Variants in PCDHGB3 observed in about 807,000 individuals in gnomAD.
PCDHGB3 encodes protocadherin gamma subfamily B, 3.
A neutral mutation model predicts 59.2 loss-of-function variants in PCDHGB3; 40 were observed. That is an observed-to-expected ratio of 0.68 (90% CI 0.52 to 0.88). The LOEUF (loss-of-function observed/expected upper bound fraction) is 0.88, where lower values mean the gene tolerates loss of function less well. Among genes scored for constraint, PCDHGB3 ranks in the 40% least tolerant of loss-of-function variants. The pLI is 0.00. For missense variants in PCDHGB3, 1,309 were observed against 1,187.9 expected, an observed-to-expected ratio of 1.10 and a Z score of -1.50; for synonymous variants, 581 against 503.6, an observed-to-expected ratio of 1.15 and a Z score of -2.06.
chr5:141,389,205 G>A, intron 1 of PCDHGB3: 1 of 1,614,040 alleles, frequency 6.2e-7, no homozygotes, highest in Non-Finnish European at 8.5e-7. Flanking sequence ...CCTGCACATT[G>A]GTGATGTAAA....
intron 1 of PCDHGB3, among the ~76,000 whole-genome samples, chr5:141,488,305 T>C (rs1452293355): frequency 6.6e-6 from 1 of 152,234 alleles, no homozygotes; most frequent in African/African-American, 2.4e-5. Context: ...AAATCACTTA[T>C]GTCAGAAAAC....
At chr5:141,478,044 C>T in intron 1 of PCDHGB3, 2 of 1,614,184 alleles carry the variant, frequency 1.2e-6, no homozygotes, top group South Asian at 1.1e-5. Flanking sequence ...CCCAGGCAGA[C>T]TCTCACGGTC....
At chr5:141,417,213 G>A (rs1470553702) in intron 1 of PCDHGB3, 2 of 152,108 alleles carry the variant, frequency 1.3e-5, no homozygotes, top group African/African-American at 4.8e-5. Context: ...GGCTAGAATT[G>A]AAGACAAAAA....
At chr5:141,501,290 TACACACACACACACAC>T (rs55762287) in intron 2 of PCDHGB3, among the ~76,000 whole-genome samples, 7 of 136,164 alleles carry the variant, frequency 5.1e-5, no homozygotes, top group South Asian at 2.4e-4. Context: ...TATTCCCTTA[TACACACACACACACAC>T]ACACACACAC....
intron 2 of PCDHGB3, among the ~76,000 whole-genome samples, chr5:141,504,689 G>A (rs1395389800): frequency 6.6e-6 from 1 of 151,502 alleles, no homozygotes; most frequent in South Asian, 2.1e-4. Context: ...TAAAATAGGA[G>A]GGGCAGGTTC....
chr5:141,427,822 T>C (rs1446832816), intron 1 of PCDHGB3: 1 of 1,534,220 alleles, frequency 6.5e-7, no homozygotes, highest in Non-Finnish European at 8.9e-7. Flanking sequence ...GGGGTGGTGG[T>C]CGCGCAGCGT....
chr5:141,419,926 G>A lies in PCDHGB3; in HGVS notation c.2415+47117G>A. 3 of 1,614,096 alleles carry A rather than the reference G, an allele frequency of 1.9e-6. No homozygotes were observed. In the South Asian group the frequency reaches 3.3e-5, roughly 18 times the overall value. On this transcript the variant is annotated intron_variant, in intron 1 of 3. Transcript: ENST00000576222. ...CCTCTGACTCCCAGGCTGAGATGCA[G>A]TTTTACCTGGTGGTGGCCTTGGCCT... is the stretch of plus-strand genomic sequence containing the variant.
intron 1 of PCDHGB3, chr5:141,395,503 G>A (rs1428846111): frequency 2.2e-6 from 1 of 457,378 alleles, no homozygotes; most frequent in Non-Finnish European, 3.8e-6. Flanking sequence ...ATTCACTTAA[G>A]AAGTAGCTAC....
rs1414722237 is a variant in PCDHGB3 at position 141,432,748 on chromosome 5, C to T, written c.2415+59939C>T. On this transcript the variant is annotated intron_variant, in intron 1 of 3. Coordinates refer to ENST00000576222, the MANE Select transcript of PCDHGB3 (RefSeq NM_018924.5). The surrounding 1 kb of genome is among the most constrained non-coding windows in gnomAD (Gnocchi z 6.0). ...CCGCCACTGTCACGCTCACCGTGGC[C>T]GTGGCCGACAGCATCCCCCAAGTCC... 1 of 1,614,120 alleles carries T rather than the reference C, an allele frequency of 6.2e-7. No homozygotes were observed. The highest frequency in any genetic ancestry group is 8.5e-7 in the Non-Finnish European group (1 of 1,179,980).
intron 1 of PCDHGB3, chr5:141,478,809 C>G: frequency 6.9e-7 from 1 of 1,453,454 alleles, no homozygotes; most frequent in Non-Finnish European, 9.0e-7. Flanking sequence ...CTTTTGCTAT[C>G]ACAACTAACC....
chr5:141,427,683 G>T, intron 1 of PCDHGB3: 1 of 836,052 alleles, frequency 1.2e-6, no homozygotes, highest in African/African-American at 1.7e-5. Context: ...CCTTCCCGGA[G>T]CCTCCATCCC....
intron 1 of PCDHGB3, chr5:141,375,805 C>G (rs748127561): frequency 6.2e-7 from 1 of 1,614,214 alleles, no homozygotes; most frequent in Admixed American, 1.7e-5. Flanking sequence ...GTTCCACTGG[C>G]GTGGAGCTGG....
chr5:141,483,637 G>C (rs1365525499), intron 1 of PCDHGB3, among the ~76,000 whole-genome samples: 2 of 145,762 alleles, frequency 1.4e-5, no homozygotes. Context: ...AAGGTATAGA[G>C]GGGTGTGTGT....
At chr5:141,383,700 C>G in intron 1 of PCDHGB3, 1 of 1,613,936 alleles carries the variant, frequency 6.2e-7, no homozygotes, top group South Asian at 1.1e-5. Flanking sequence ...TACATGCTAT[C>G]GACCTGGACG....
chr5:141,371,712 C>T lies in PCDHGB3; in HGVS notation c.1318C>T (p.Leu440=), dbSNP rs1403380623. 1 of 1,614,078 alleles carries T rather than the reference C, an allele frequency of 6.2e-7. No homozygotes were observed. The highest frequency in any genetic ancestry group is 1.7e-5 in the Admixed American group (1 of 60,036). Reference sequence around the variant, plus strand: ...GCTCTCCTCCAGCAAGACCATCACTCTGCACATCCTTGATGTCAACGACAA... The same window carrying T: ...GCTCTCCTCCAGCAAGACCATCACTTTGCACATCCTTGATGTCAACGACAA... ...PPLSSSKTIT[L]HILDVNDNVP... is the part of the protein sequence containing the mutation. The change falls in exon 1 of 4, where the codon CTG becomes TTG. Residue 440 remains leucine (L), a synonymous_variant. Coordinates refer to ENST00000576222, the MANE Select transcript of PCDHGB3 (RefSeq NM_018924.5).
chr5:141,467,162 C>T (rs765574629), intron 1 of PCDHGB3, among the ~76,000 whole-genome samples: 1 of 151,724 alleles, frequency 6.6e-6, no homozygotes, highest in Non-Finnish European at 1.5e-5. Flanking sequence ...AAGTGATTCT[C>T]ATCTCTCAGC....
At chr5:141,446,831 T>C (rs1237079019) in intron 1 of PCDHGB3, among the ~76,000 whole-genome samples, 2 of 152,186 alleles carry the variant, frequency 1.3e-5, no homozygotes, top group East Asian at 3.9e-4. Context: ...TAGATCCTTA[T>C]AAGGCTGAGC....
chr5:141,454,076 T>A (rs190918056), intron 1 of PCDHGB3, among the ~76,000 whole-genome samples: 2 of 152,352 alleles, frequency 1.3e-5, no homozygotes, highest in East Asian at 3.8e-4. Flanking sequence ...TGATAATGTT[T>A]TCAGTGAAAT....
chr5:141,504,434 A>C (rs2099838201), intron 2 of PCDHGB3, among the ~76,000 whole-genome samples: 1 of 152,234 alleles, frequency 6.6e-6, no homozygotes, highest in South Asian at 2.1e-4. Flanking sequence ...CAACAGCTGC[A>C]GTGTGACTAG....
Sources: gnomAD v4.1 joint callset for allele counts (sites outside exome capture counted in the v4.1 genomes callset) on GRCh38, gnomAD v4.1.1 for gene constraint, Gnocchi (gnomAD v3.1) non-coding constraint, MANE v1.5 for transcripts, NCBI Gene and HGNC (gene_info 2026-07-23, HGNC 2026-07-21) for gene names.